Variants in NOD1 observed in about 807,000 individuals in gnomAD.
The protein encoded by NOD1 is nucleotide binding oligomerization domain containing 1.
NOD1 carries 70 observed loss-of-function variants against 81.2 expected under a neutral mutation model. The observed-to-expected ratio is 0.86, with a 90% confidence interval of 0.71 to 1.05. NOD1 has a LOEUF of 1.05. Ranked by LOEUF, NOD1 falls within the 50% of genes least tolerant of loss-of-function variation. NOD1 has a pLI of 0.00. For synonymous variants in NOD1, 508 were observed against 526.9 expected (o/e 0.96, Z 0.49); for missense variants, 1,233 against 1,228.0 (o/e 1.00, Z -0.06).
chr7:30,460,337 CT>C (rs1397949978), intron 1 of NOD1: 1 of 985,446 alleles, frequency 1.0e-6, no homozygotes, highest in Non-Finnish European at 1.2e-6. Flanking sequence ...GGGGGCAATC[CT>C]TTCCTTTCTT....
chr7:30,432,981 A>T (rs975127237), intron 12 of NOD1, 115 bp downstream of exon 12: 6 of 774,510 alleles, frequency 7.7e-6, no homozygotes, highest in Non-Finnish European at 1.3e-5. Context: ...TGGTTGCACT[A>T]AAAACCTCTG....
chr7:30,456,254 G>T (rs527909477), intron 4 of NOD1, among the ~76,000 whole-genome samples: 1 of 152,272 alleles, frequency 6.6e-6, no homozygotes, highest in South Asian at 2.1e-4. Flanking sequence ...GGAAGTAAGG[G>T]CTGTTAAGGC....
intron 1 of NOD1, among the ~76,000 whole-genome samples, chr7:30,464,349 G>T (rs1470460690): frequency 6.6e-6 from 1 of 152,200 alleles, no homozygotes. Context: ...GGGTGGGCAG[G>T]GGCAGAGAGT....
Position 30,425,192 on chromosome 7 carries a change from C to CGTTTTATTCAAGAAGCTTGG in NOD1, c.*426_*445dup, listed in dbSNP as rs573752817. 88 of 186,730 alleles carry CGTTTTATTCAAGAAGCTTGG rather than the reference C, an allele frequency of 4.7e-4. No individual in the cohort carries two copies. Among genetic ancestry groups the CGTTTTATTCAAGAAGCTTGG allele is most frequent in the Middle Eastern group, 4.9e-3 (2 of 406 alleles). 11.6% of individuals were successfully genotyped at this position (186,730 alleles called of 1,614,324 possible). Reference sequence around the variant, plus strand: ...AGGTATAATACTAATCCATCAAACACGTTTTATTCAAGAAGCTTGGCACCA... The same window carrying CGTTTTATTCAAGAAGCTTGG: ...AGGTATAATACTAATCCATCAAACACGTTTTATTCAAGAAGCTTGGGTTTTATTCAAGAAGCTTGGCACCA... On this transcript the variant is annotated 3_prime_UTR_variant, in exon 14 of 14. Transcript: ENST00000222823.
At chr7:30,446,847 G>T in intron 8 of NOD1, 120 bp downstream of exon 8, 1 of 782,258 alleles carries the variant, frequency 1.3e-6, no homozygotes. Flanking sequence ...GACCAACATG[G>T]CCCTGGGACA....
chr7:30,454,558 T>C (rs571185711), intron 5 of NOD1, among the ~76,000 whole-genome samples: 11 of 152,314 alleles, frequency 7.2e-5, no homozygotes, highest in African/African-American at 2.4e-4. Context: ...CTTCCATTAG[T>C]TTGGAAATAA....
chr7:30,451,510 G>A lies in NOD1; in HGVS notation c.1907C>T (p.Pro636Leu), dbSNP rs1404914288. ...SSLRGYLKSL[P>L]RVQVESFNQV... ...GTTGAAGCTTTCGACCTGAACGCGG[G>A]GCAGGCTCTTCAGGTAGCCCCGCAG... Residue 636 changes from proline (P) to leucine (L), a missense_variant, in exon 6 of 14, where the codon CCC becomes CTC. Physicochemically the swap from Pro to Leu is moderately conservative, Grantham distance 98. Transcript: ENST00000222823. This position sits in a 1 kb window ranked among gnomAD's most constrained non-coding sequence, Gnocchi z 4.2. The A allele has an allele frequency of 6.2e-7, 1 of 1,613,078 alleles. No homozygotes were observed. Among genetic ancestry groups the A allele is most frequent in the Non-Finnish European group, 8.5e-7 (1 of 1,179,878 alleles).
chr7:30,436,159 G>GCA, intron 10 of NOD1, 78 bp from the exon 11 acceptor site: 1 of 1,181,760 alleles, frequency 8.5e-7, no homozygotes, highest in Non-Finnish European at 1.2e-6. Context: ...AGAACAGCTG[G>GCA]GAAGCCTCTG....
intron 10 of NOD1, among the ~76,000 whole-genome samples, chr7:30,436,704 G>C (rs1784409734): frequency 6.6e-6 from 1 of 152,236 alleles, no homozygotes; most frequent in African/African-American, 2.4e-5. Flanking sequence ...CTACCAGCAA[G>C]GGACATGCAG....
At chr7:30,469,905 C>T (rs990615681) in intron 1 of NOD1, among the ~76,000 whole-genome samples, 3 of 152,196 alleles carry the variant, frequency 2.0e-5, no homozygotes, top group Non-Finnish European at 4.4e-5. Context: ...ATCCCCCCAG[C>T]GGGGATGTCA....
At chr7:30,457,579 T>A (rs2128072082) in intron 3 of NOD1, among the ~76,000 whole-genome samples, 1 of 152,350 alleles carries the variant, frequency 6.6e-6, no homozygotes, top group South Asian at 2.1e-4. Flanking sequence ...AATCAAAACA[T>A]CTTTATTATT....
chr7:30,430,251 G>C (rs1403383379), intron 12 of NOD1, among the ~76,000 whole-genome samples: 1 of 152,114 alleles, frequency 6.6e-6, no homozygotes, highest in South Asian at 2.1e-4. Context: ...TTTAATAATG[G>C]GGACTCTGAG....
intron 12 of NOD1, among the ~76,000 whole-genome samples, chr7:30,432,284 G>A (rs1264273031): frequency 6.6e-6 from 1 of 152,022 alleles, no homozygotes; most frequent in Non-Finnish European, 1.5e-5. Context: ...TTTAAAATGG[G>A]CAAAGGATAT....
intron 1 of NOD1, among the ~76,000 whole-genome samples, chr7:30,464,219 C>T (rs2128091588): frequency 6.6e-6 from 1 of 152,360 alleles, no homozygotes; most frequent in Non-Finnish European, 1.5e-5. Flanking sequence ...TTTCCTCGGC[C>T]CGGCCATGCC....
chr7:30,457,974 C>A (rs1276222563), intron 3 of NOD1, among the ~76,000 whole-genome samples: 2 of 152,034 alleles, frequency 1.3e-5, no homozygotes, highest in East Asian at 3.9e-4. Flanking sequence ...TGAAGTGGGA[C>A]AGAGGGAGGG....
intron 1 of NOD1, chr7:30,468,909 G>A (rs967552308): frequency 2.0e-6 from 2 of 985,334 alleles, no homozygotes; most frequent in African/African-American, 3.5e-5. Context: ...TTGTGGTGAT[G>A]ACGTGAACAA....
rs1233911003 is a variant in NOD1 at position 30,451,522 on chromosome 7, A to C, written c.1895T>G (p.Leu632Arg). 2 of 1,612,954 alleles carry C rather than the reference A, an allele frequency of 1.2e-6. No individual in the cohort carries two copies. Among genetic ancestry groups the C allele is most frequent in the East Asian group, 4.5e-5 (2 of 44,874 alleles). ...AHLFSSLRGY[L>R]KSLPRVQVES... The stretch of plus-strand genomic sequence containing the variant: ...GACCTGAACGCGGGGCAGGCTCTTC[A>C]GGTAGCCCCGCAGGCTGGAAAACAG... Residue 632 changes from leucine (L) to arginine (R), a missense_variant, in exon 6 of 14, where the codon CTG (leucine) becomes CGG (arginine). By Grantham distance (102) the Leu-to-Arg change is moderately radical (BLOSUM62 -2). Transcript: ENST00000222823. This position sits in a 1 kb window ranked among gnomAD's most constrained non-coding sequence, Gnocchi z 4.2.
intron 11 of NOD1, chr7:30,433,563 C>A: frequency 4.2e-6 from 1 of 240,478 alleles, no homozygotes; most frequent in Admixed American, 4.9e-5. Context: ...AGTGTGTTAT[C>A]CAAGTTAGTT....
intron 5 of NOD1, 99 bp downstream of exon 5, chr7:30,455,038 G>C (rs1482247722): frequency 5.1e-6 from 6 of 1,177,020 alleles, no homozygotes; most frequent in African/African-American, 3.0e-5. Context: ...ACCTGGGCCT[G>C]CTTCCTGAGG....
Sources: gnomAD v4.1 joint callset for allele counts (sites outside exome capture counted in the v4.1 genomes callset) on GRCh38, gnomAD v4.1.1 for gene constraint, Gnocchi (gnomAD v3.1) non-coding constraint, MANE v1.5 for transcripts, NCBI Gene and HGNC (gene_info 2026-07-23, HGNC 2026-07-21) for gene names.